The following AGAP1 variants were observed in gnomAD, a reference collection of about 807,000 sequenced individuals.
The protein encoded by AGAP1 is arf-GAP with GTPase, ANK repeat and PH domain-containing protein 1.
Under a neutral mutation model 105.3 loss-of-function variants are expected in AGAP1, and 29 were observed. The ratio of observed to expected loss-of-function variants is 0.28; its 90% confidence interval spans 0.21 to 0.38. The LOEUF (loss-of-function observed/expected upper bound fraction) is 0.38. Among genes scored for constraint, AGAP1 ranks in the 10% least tolerant of loss-of-function variants. The probability of loss-of-function intolerance (pLI) is 1.00; values close to 1 mark genes in which losing one functional copy is unlikely to be tolerated. For missense variants in AGAP1, 998 were observed against 1,165.1 expected (o/e 0.86, Z 2.09); for synonymous variants, 509 against 485.9 (o/e 1.05, Z -0.63).
In AGAP1 at chr2:235,799,652, C is replaced by T. The variant is rs1262236526; in HGVS notation, c.957+130C>T. 3 of 1,054,658 alleles carry T rather than the reference C, an allele frequency of 2.8e-6. No homozygotes were observed. In the African/African-American group the frequency reaches 4.8e-5, roughly 17 times the overall value. The allele number at this position is 1,054,658 out of a possible 1,614,324, so 65.3% of individuals were successfully genotyped here. The stretch of plus-strand genomic sequence containing the variant: ...ATATTAAAGTGAATAACATTGATTT[C>T]TGTGGAGGACTAAGAAAATTAAGAG... On this transcript the variant is annotated intron_variant, in intron 8 of 17. Transcript: ENST00000304032. This position sits in a 1 kb window ranked among gnomAD's most constrained non-coding sequence, Gnocchi z 5.0.
At chr2:236,048,768 A>T (rs1321023720) in intron 15 of AGAP1, among the ~76,000 whole-genome samples, 1 of 152,200 alleles carries the variant, frequency 6.6e-6, no homozygotes, top group African/African-American at 2.4e-5. Flanking sequence ...CTGCTGTGAC[A>T]TATGGGAAAG....
chr2:235,709,152 C>T (rs758910658), intron 1 of AGAP1, 27 bp from the exon 2 acceptor site: 1 of 1,613,352 alleles, frequency 6.2e-7, no homozygotes, highest in Non-Finnish European at 8.5e-7. Context: ...GTTATGGTGT[C>T]TGACTTTGTG....
rs551674153 is a variant in AGAP1 at position 235,936,568 on chromosome 2, G to A, written c.1483+5645G>A. ...CAATGCATTTGAACCACACTTTCCA[G>A]CAAGCATGTCCACACCATTCATCAA... On this transcript the variant is annotated intron_variant, in intron 12 of 17. Transcript: ENST00000304032. The surrounding 1 kb of genome is among the most constrained non-coding windows in gnomAD (Gnocchi z 4.7). Among the ~76,000 whole-genome samples, 29 of 152,318 alleles carry A rather than the reference G, an allele frequency of 1.9e-4. No homozygotes were observed. Among genetic ancestry groups the A allele is most frequent in the African/African-American group, 6.3e-4 (26 of 41,576 alleles).
At position 235,985,672 on chromosome 2, in the gene AGAP1, C is replaced by G. The variant is rs537129971; in HGVS notation, c.1645+17049C>G. On this transcript the variant is annotated intron_variant, in intron 13 of 17. Transcript: ENST00000304032. ...GTTTCAGTTTTCTGCATATGGCTAGCCAGTTTTCCGCATATGACTAGCCAG... is the reference window on the plus strand; with the variant it reads ...GTTTCAGTTTTCTGCATATGGCTAGGCAGTTTTCCGCATATGACTAGCCAG... 3.3e-5 allele frequency among the ~76,000 whole-genome samples: 5 copies of G among 152,164 alleles called. No homozygotes were observed. The East Asian group carries it at 7.7e-4, about 23-fold the overall frequency.
At chr2:235,539,601 C>T (rs1375792462) in intron 1 of AGAP1, among the ~76,000 whole-genome samples, 1 of 152,178 alleles carries the variant, frequency 6.6e-6, no homozygotes, top group African/African-American at 2.4e-5. Flanking sequence ...GAAGGAGACC[C>T]AGGTGTGAGG....
rs4663214 is a variant in AGAP1 at position 235,908,081 on chromosome 2, T to C, written c.1156-657T>C. Among the ~76,000 whole-genome samples, 105,488 of 152,050 alleles carry C rather than the reference T, an allele frequency of 0.69. 38,165 individuals are homozygous for C. The highest frequency in any genetic ancestry group is 0.96 in the East Asian group (4,977 of 5,170). On this transcript the variant is annotated intron_variant, in intron 10 of 17. Coordinates refer to ENST00000304032, the MANE Select transcript of AGAP1 (RefSeq NM_001037131.3). The surrounding 1 kb of genome is among the most constrained non-coding windows in gnomAD (Gnocchi z 4.4). ...GTTCACCTTCCCCGTTCCCTGCCCATCAGCCAGTTTCCAGGTAGTGTTTGA... is the reference window on the plus strand; with the variant it reads ...GTTCACCTTCCCCGTTCCCTGCCCACCAGCCAGTTTCCAGGTAGTGTTTGA...
chr2:235,501,200 C>A (rs927655786), intron 1 of AGAP1, among the ~76,000 whole-genome samples: 2 of 152,144 alleles, frequency 1.3e-5, no homozygotes, highest in Non-Finnish European at 1.5e-5. Context: ...TGCGTTTCTG[C>A]GACACGGTGG....
chr2:235,525,626 A>G (rs1421115763), intron 1 of AGAP1, among the ~76,000 whole-genome samples: 1 of 144,670 alleles, frequency 6.9e-6, no homozygotes, highest in Non-Finnish European at 1.5e-5. Context: ...TTTATAAAGT[A>G]GAGGACTGAT....
intron 1 of AGAP1, among the ~76,000 whole-genome samples, chr2:235,523,915 C>T (rs541959199): frequency 6.6e-6 from 1 of 151,644 alleles, no homozygotes; most frequent in Non-Finnish European, 1.5e-5. Context: ...CAGCGTGCCT[C>T]CTCATCCCTC....
At chr2:236,059,342 A>G (rs1452352544) in intron 16 of AGAP1, among the ~76,000 whole-genome samples, 1 of 152,212 alleles carries the variant, frequency 6.6e-6, no homozygotes, top group Non-Finnish European at 1.5e-5. Flanking sequence ...ACCTAAGTAA[A>G]TGAAAAGACA....
At chr2:235,679,121 A>C (rs1230844279) in intron 1 of AGAP1, among the ~76,000 whole-genome samples, 1 of 152,236 alleles carries the variant, frequency 6.6e-6, no homozygotes, top group Non-Finnish European at 1.5e-5. Context: ...GAGAAAGCAC[A>C]GTGTCTTGAT....
rs968196802 is a variant in AGAP1, at chr2:235,569,540, C to T, written c.163+74691C>T. Among the ~76,000 whole-genome samples, 2 of 152,142 alleles carry T rather than the reference C, an allele frequency of 1.3e-5. No homozygotes were observed. The highest frequency in any genetic ancestry group is 4.8e-5 in the African/African-American group (2 of 41,416). ...AACCTGGCCTCTTGTACCTCTGAGC[C>T]CCGAATTCTGCCCTCTGCCCATGTG... On this transcript the variant is annotated intron_variant, in intron 1 of 17. Transcript: ENST00000304032. The surrounding 1 kb of genome is among the most constrained non-coding windows in gnomAD (Gnocchi z 5.9).
chr2:235,743,652 T>G (rs1952718328), intron 4 of AGAP1, among the ~76,000 whole-genome samples: 1 of 152,178 alleles, frequency 6.6e-6, no homozygotes, highest in Non-Finnish European at 1.5e-5. Flanking sequence ...AATGCACTTT[T>G]CACTTACATG....
At chr2:235,851,691 C>T (rs1249061437) in intron 9 of AGAP1, among the ~76,000 whole-genome samples, 1 of 152,048 alleles carries the variant, frequency 6.6e-6, no homozygotes, top group Non-Finnish European at 1.5e-5. Context: ...GTGCAAGGAG[C>T]CCATGAACAG....
In AGAP1 at chr2:235,742,319, G is replaced by T. The variant is rs150642134; in HGVS notation, c.396+1271G>T. Among the ~76,000 whole-genome samples the T allele has an allele frequency of 8.3e-4, 126 of 152,296 alleles. 2 individuals carry two copies. The East Asian group carries it at 0.02, about 24-fold the overall frequency. On this transcript the variant is annotated intron_variant, in intron 4 of 17. Coordinates refer to ENST00000304032, the MANE Select transcript of AGAP1 (RefSeq NM_001037131.3). ...GTTGCATTGACTCTGACCATTGACAGTGACCATTAAGATGTACCAGTATTC... is the reference window on the plus strand; with the variant it reads ...GTTGCATTGACTCTGACCATTGACATTGACCATTAAGATGTACCAGTATTC...
intron 9 of AGAP1, among the ~76,000 whole-genome samples, chr2:235,871,489 A>C (rs1381895862): frequency 1.3e-5 from 2 of 152,064 alleles, no homozygotes; most frequent in Non-Finnish European, 2.9e-5. Flanking sequence ...TTTCCATCCT[A>C]AGGTAGCATT....
chr2:235,880,756 A>C (rs1288767051), intron 9 of AGAP1, among the ~76,000 whole-genome samples: 1 of 152,042 alleles, frequency 6.6e-6, no homozygotes, highest in East Asian at 1.9e-4. Flanking sequence ...AAAAAAAACA[A>C]AAAAAGAACT....
In AGAP1 at chr2:235,642,003, C is replaced by G. The variant is rs1947213421; in HGVS notation, c.164-67176C>G. On this transcript the variant is annotated intron_variant, in intron 1 of 17. Coordinates refer to ENST00000304032, the MANE Select transcript of AGAP1 (RefSeq NM_001037131.3). The surrounding 1 kb of genome is among the most constrained non-coding windows in gnomAD (Gnocchi z 4.1). ...ATTTAAGCCGTTTACTGTTGATTGT[C>G]CATTTCTTCAGGTATCTTCTTACAT... 6.6e-6 allele frequency among the ~76,000 whole-genome samples: 1 copy of G among 152,248 alleles called. No individual in the cohort carries two copies. The highest frequency in any genetic ancestry group is 2.4e-5 in the African/African-American group (1 of 41,472).
chr2:236,119,856 C>T lies in AGAP1; in HGVS notation c.2115-336C>T, dbSNP rs1447107713. Among the ~76,000 whole-genome samples the T allele has an allele frequency of 6.6e-6, 1 of 152,150 alleles. No individual in the cohort carries two copies. The highest frequency in any genetic ancestry group is 1.5e-5 in the Non-Finnish European group (1 of 68,040). ...TCTACACTAAAAGTGACAGAAGCAGCACCAAGGCAGTGTATGAGCCTGAGA... is the reference window on the plus strand; with the variant it reads ...TCTACACTAAAAGTGACAGAAGCAGTACCAAGGCAGTGTATGAGCCTGAGA... On this transcript the variant is annotated intron_variant, in intron 16 of 17. Coordinates refer to ENST00000304032, the MANE Select transcript of AGAP1 (RefSeq NM_001037131.3). This position sits in a 1 kb window ranked among gnomAD's most constrained non-coding sequence, Gnocchi z 6.6.
Sources: gnomAD v4.1 joint callset for allele counts (sites outside exome capture counted in the v4.1 genomes callset) on GRCh38, gnomAD v4.1.1 for gene constraint, Gnocchi (gnomAD v3.1) non-coding constraint, MANE v1.5 for transcripts, NCBI Gene and HGNC (gene_info 2026-07-23, HGNC 2026-07-21) for gene names.